Variants in SLC25A43 observed in about 807,000 individuals in gnomAD.
SLC25A43 encodes solute carrier family 25 member 43.
A neutral mutation model predicts 22.8 loss-of-function variants in SLC25A43; 10 were observed. That is an observed-to-expected ratio of 0.44 (90% CI 0.27 to 0.74). The LOEUF (loss-of-function observed/expected upper bound fraction) is 0.74, where lower values mean the gene tolerates loss of function less well. Ranked by LOEUF, SLC25A43 falls within the 30% of genes least tolerant of loss-of-function variation. SLC25A43 has a pLI of 0.17. For synonymous variants in SLC25A43, 106 were observed against 121.6 expected (o/e 0.87, Z 0.84); for missense variants, 233 against 279.1 (o/e 0.83, Z 1.18).
At chrX:119,425,918 C>G (rs2052499489) in intron 3 of SLC25A43, among the ~76,000 whole-genome samples, 1 of 111,387 alleles carries the variant, frequency 9.0e-6, no homozygotes, top group Non-Finnish European at 1.9e-5. Context: ...CCTGAGCTGG[C>G]TTATTCCTTG....
intron 3 of SLC25A43, among the ~76,000 whole-genome samples, chrX:119,436,010 G>A (rs1178959012): frequency 1.3e-4 from 1 of 7,737 alleles, no homozygotes; most frequent in Non-Finnish European, 2.0e-4. Flanking sequence ...AGGTCAAATG[G>A]TATTTCTAGT....
chrX:119,448,371 C>T (rs2052682683), intron 3 of SLC25A43, among the ~76,000 whole-genome samples: 1 of 111,643 alleles, frequency 9.0e-6, no homozygotes. Flanking sequence ...TCATGCCATT[C>T]TTCTATTCAT....
intron 1 of SLC25A43, among the ~76,000 whole-genome samples, chrX:119,400,957 G>C (rs1190699507): frequency 9.0e-6 from 1 of 111,511 alleles, no homozygotes; most frequent in Non-Finnish European, 1.9e-5. Context: ...AAGTAGTGTG[G>C]AAATCTTCCT....
chrX:119,399,651 G>T lies in SLC25A43; in HGVS notation c.248G>T (p.Ser83Ile). ...GCGTGCCTGCGCCTCTTCCCCTGCAGCGCCGTGCAGCTCGCCGCCTACCGC... is the reference window on the plus strand; with the variant it reads ...GCGTGCCTGCGCCTCTTCCCCTGCATCGCCGTGCAGCTCGCCGCCTACCGC... ...AVACLRLFPC[S>I]AVQLAAYRKF... Residue 83 changes from serine to isoleucine, a missense_variant, in exon 1 of 5, where the codon AGC becomes ATC. Physicochemically the swap from Ser to Ile is moderately radical, Grantham distance 142. Coordinates refer to ENST00000217909, the MANE Select transcript of SLC25A43 (RefSeq NM_145305.3). 1 of 998,945 alleles carries T rather than the reference G, an allele frequency of 1.0e-6. No homozygotes were observed. Among genetic ancestry groups the T allele is most frequent in the Non-Finnish European group, 1.3e-6 (1 of 792,696 alleles). 82.3% of individuals were successfully genotyped at this position (998,945 alleles called of 1,213,427 possible). A position where few individuals can be genotyped will look rare whatever the true frequency, so the allele number is the denominator to read the frequency against.
chrX:119,404,788 AAATACAAT>A (rs2052273783), intron 1 of SLC25A43, among the ~76,000 whole-genome samples: 1 of 110,616 alleles, frequency 9.0e-6, no homozygotes, highest in African/African-American at 3.3e-5. Context: ...GCCACACATA[AAATACAAT>A]AACACTAACG....
chrX:119,434,880 A>T (rs1388743167), intron 3 of SLC25A43: 1 of 109,879 alleles, frequency 9.1e-6, no homozygotes, highest in Non-Finnish European at 1.9e-5. Flanking sequence ...TTGGAGTGGA[A>T]TGGCGTGATC....
chrX:119,416,346 A>C (rs1303709805), intron 3 of SLC25A43, among the ~76,000 whole-genome samples: 1 of 110,622 alleles, frequency 9.0e-6, no homozygotes, highest in Non-Finnish European at 1.9e-5. Context: ...CAGCCTCCCG[A>C]GTAGCTAGGA....
chrX:119,430,932 A>G (rs915696893), intron 3 of SLC25A43, among the ~76,000 whole-genome samples: 2 of 111,918 alleles, frequency 1.8e-5, no homozygotes, highest in African/African-American at 3.2e-5. Flanking sequence ...TTCAGTGTAC[A>G]TGCTTTGGCA....
chrX:119,418,282 G>A (rs1384898093), intron 3 of SLC25A43, among the ~76,000 whole-genome samples: 1 of 111,592 alleles, frequency 9.0e-6, no homozygotes, highest in Non-Finnish European at 1.9e-5. Context: ...TGTCCTCGCT[G>A]GAGCAGGCAG....
At chrX:119,420,784 C>T (rs2052445440) in intron 3 of SLC25A43, among the ~76,000 whole-genome samples, 1 of 111,887 alleles carries the variant, frequency 8.9e-6, no homozygotes, top group Non-Finnish European at 1.9e-5. Flanking sequence ...TGTAGGGAAA[C>T]CCAGATAACA....
intron 3 of SLC25A43, among the ~76,000 whole-genome samples, chrX:119,421,111 CAAAAAAAAAAAAA>C (rs55775067): frequency 1.2e-4 from 6 of 50,383 alleles, no homozygotes; most frequent in Non-Finnish European, 1.1e-4. Flanking sequence ...AACTTCATCT[CAAAAAAAAAAAAA>C]AAAAAAAAAA....
intron 1 of SLC25A43, among the ~76,000 whole-genome samples, chrX:119,401,470 G>A (rs778317777): frequency 9.9e-5 from 11 of 111,287 alleles, no homozygotes; most frequent in African/African-American, 1.6e-4. Flanking sequence ...TCTGATGAGC[G>A]ATGAGGAGGA....
intron 3 of SLC25A43, chrX:119,423,073 T>G (rs779067958): frequency 9.0e-6 from 1 of 111,567 alleles, no homozygotes; most frequent in Non-Finnish European, 1.9e-5. Context: ...AAGTCGGCCC[T>G]GTGAAACCTG....
intron 3 of SLC25A43, among the ~76,000 whole-genome samples, chrX:119,424,606 C>T (rs2052486911): frequency 1.8e-5 from 2 of 112,210 alleles, no homozygotes; most frequent in South Asian, 7.4e-4. Flanking sequence ...TGGGAGTCCA[C>T]AGCCTCAGTG....
At chrX:119,417,563 T>G (rs1321963812) in intron 3 of SLC25A43, among the ~76,000 whole-genome samples, 2 of 111,450 alleles carry the variant, frequency 1.8e-5, no homozygotes, top group African/African-American at 3.3e-5. Context: ...TGACCTCATC[T>G]GGGAGAATCC....
intron 1 of SLC25A43, among the ~76,000 whole-genome samples, chrX:119,402,790 GGACTGAGAT>G (rs921487889): frequency 1.2e-4 from 13 of 111,300 alleles, no homozygotes; most frequent in East Asian, 1.1e-3. Flanking sequence ...TAAGATGCAT[GGACTGAGAT>G]GACATCATTG....
intron 3 of SLC25A43, among the ~76,000 whole-genome samples, chrX:119,422,761 G>C (rs1168404661): frequency 8.9e-6 from 1 of 111,799 alleles, no homozygotes; most frequent in Non-Finnish European, 1.9e-5. Context: ...TATGCACTTC[G>C]CTCTGAGAAT....
At chrX:119,424,191 C>T (rs1404871783) in intron 3 of SLC25A43, among the ~76,000 whole-genome samples, 6 of 96,785 alleles carry the variant, frequency 6.2e-5, no homozygotes, top group Non-Finnish European at 1.0e-4. Flanking sequence ...CCAGCCTGGG[C>T]GACAGAGCAA....
chrX:119,409,886 G>T, intron 2 of SLC25A43, among the ~76,000 whole-genome samples: 1 of 112,537 alleles, frequency 8.9e-6, no homozygotes, highest in African/African-American at 3.2e-5. Flanking sequence ...AAAGTGCTGG[G>T]ATTACAGGCA....
Sources: gnomAD v4.1 joint callset for allele counts (sites outside exome capture counted in the v4.1 genomes callset) on GRCh38, gnomAD v4.1.1 for gene constraint, MANE v1.5 for transcripts, NCBI Gene and HGNC (gene_info 2026-07-23, HGNC 2026-07-21) for gene names.